Variants in SIPA1L2 observed in about 807,000 individuals in gnomAD.
SIPA1L2 encodes signal-induced proliferation-associated 1-like protein 2.
In SIPA1L2, 56 loss-of-function variants were observed where a neutral mutation model predicts 163.9. That is an observed-to-expected ratio of 0.34 (90% confidence interval 0.28 to 0.43). SIPA1L2 has a LOEUF of 0.43. SIPA1L2 is among the 20% of genes least tolerant of loss of function. SIPA1L2 has a pLI of 1.00. For missense variants in SIPA1L2, 1,974 were observed against 2,193.5 expected, an observed-to-expected ratio of 0.90 and a Z score of 2.00; for synonymous variants, 877 against 865.7, an observed-to-expected ratio of 1.01 and a Z score of -0.23.
chr1:232,457,460 T>C (rs10797565), intron 10 of SIPA1L2, among the ~76,000 whole-genome samples: 16,448 of 152,246 alleles, frequency 0.11, 2,058 homozygotes, highest in East Asian at 0.58. Flanking sequence ...AAAATGTATA[T>C]GTATATATAC....
intron 7 of SIPA1L2, among the ~76,000 whole-genome samples, chr1:232,472,674 G>C (rs1440858052): frequency 6.6e-6 from 1 of 152,146 alleles, no homozygotes; most frequent in Non-Finnish European, 1.5e-5. Context: ...GTCATTGCTG[G>C]AATGTGACAA....
chr1:232,407,466 G>A (rs866108776), intron 19 of SIPA1L2, among the ~76,000 whole-genome samples: 3 of 152,166 alleles, frequency 2.0e-5, no homozygotes. Context: ...ATTATGCTCT[G>A]TTTAAGAAAC....
At chr1:232,464,750 T>TA in intron 9 of SIPA1L2, 90 bp downstream of exon 9, 2 of 1,038,304 alleles carry the variant, frequency 1.9e-6, no homozygotes, top group Non-Finnish European at 1.4e-6. Flanking sequence ...CTAATTGGTA[T>TA]AATCATGGTA....
chr1:232,568,060 T>C (rs1026914496), intron 2 of SIPA1L2, among the ~76,000 whole-genome samples: 3 of 152,208 alleles, frequency 2.0e-5, no homozygotes, highest in East Asian at 1.9e-4. Flanking sequence ...CCTCAACCTA[T>C]GCATTTCATC....
chr1:232,542,990 A>G (rs915549771), intron 2 of SIPA1L2, among the ~76,000 whole-genome samples: 1 of 152,188 alleles, frequency 6.6e-6, no homozygotes, highest in Non-Finnish European at 1.5e-5. Context: ...AAAACAGCTA[A>G]GTTTTCCAAG....
intron 1 of SIPA1L2, among the ~76,000 whole-genome samples, chr1:232,595,440 C>A (rs1162225932): frequency 6.6e-6 from 1 of 152,170 alleles, no homozygotes; most frequent in Non-Finnish European, 1.5e-5. Flanking sequence ...GCACACCACC[C>A]TTTGTGCTGG....
At chr1:232,559,058 G>A (rs1287927702) in intron 2 of SIPA1L2, among the ~76,000 whole-genome samples, 6 of 152,108 alleles carry the variant, frequency 3.9e-5, no homozygotes, top group Non-Finnish European at 7.4e-5. Context: ...TCATCCCACC[G>A]GTGGGTGGGT....
In SIPA1L2 at chr1:232,514,568, T is replaced by C; in HGVS notation, c.772A>G (p.Ile258Val). The change falls in exon 3 of 23, where the codon ATC becomes GTC. Residue 258 changes from isoleucine to valine, a missense_variant. Physicochemically the swap from Ile to Val is conservative, Grantham distance 29. Around this residue, in one of 3 missense-constraint regions of SIPA1L2, gnomAD observed 607 missense variants for 624.0 expected, o/e 0.97. Coordinates refer to ENST00000674635, the MANE Select transcript of SIPA1L2 (RefSeq NM_020808.5). ...AQISRGEFVR[I>V]SGLDYVDSAL... is the part of the protein sequence containing the mutation. ...CTGTCCACATAATCTAATCCTGAGA[T>C]GCGGACAAATTCTCCCCTAGAAATC... is the stretch of plus-strand genomic sequence containing the variant. 1 of 1,614,198 alleles carries C rather than the reference T, an allele frequency of 6.2e-7. No individual in the cohort carries two copies. Among genetic ancestry groups the C allele is most frequent in the Non-Finnish European group, 8.5e-7 (1 of 1,180,032 alleles).
At chr1:232,614,589 G>A (rs1401308524) in intron 1 of SIPA1L2, among the ~76,000 whole-genome samples, 2 of 152,208 alleles carry the variant, frequency 1.3e-5, no homozygotes, top group Non-Finnish European at 2.9e-5. Context: ...ATGCTCAGCT[G>A]TGTTCTTATT....
chr1:232,485,792 C>T (rs114629164), intron 5 of SIPA1L2, among the ~76,000 whole-genome samples: 1 of 152,320 alleles, frequency 6.6e-6, no homozygotes, highest in Non-Finnish European at 1.5e-5. Flanking sequence ...AGGATTTCAG[C>T]TCCCTGGTTA....
chr1:232,527,983 A>G (rs1667793790), intron 2 of SIPA1L2, among the ~76,000 whole-genome samples: 1 of 150,308 alleles, frequency 6.7e-6, no homozygotes, highest in South Asian at 2.1e-4. Flanking sequence ...GTTAATGAAT[A>G]AGAGTTGGAT....
intron 1 of SIPA1L2, among the ~76,000 whole-genome samples, chr1:232,581,094 T>C (rs1048245489): frequency 1.3e-5 from 2 of 152,140 alleles, no homozygotes; most frequent in African/African-American, 2.4e-5. Context: ...CAGTCTTCTC[T>C]TACCCTCCCT....
chr1:232,470,583 C>T (rs4649267), intron 8 of SIPA1L2, among the ~76,000 whole-genome samples: 38,265 of 152,032 alleles, frequency 0.25, 4,945 homozygotes, highest in Admixed American at 0.35. Context: ...GCAACTACTG[C>T]TTTAAGATGA....
intron 2 of SIPA1L2, among the ~76,000 whole-genome samples, chr1:232,552,904 C>T (rs899742309): frequency 6.6e-6 from 1 of 152,142 alleles, no homozygotes; most frequent in African/African-American, 2.4e-5. Context: ...GGTGCAGGAA[C>T]CAGGGGGAGA....
At chr1:232,482,445 A>G (rs942067819) in intron 6 of SIPA1L2, among the ~76,000 whole-genome samples, 1 of 84,330 alleles carries the variant, frequency 1.2e-5, no homozygotes, top group African/African-American at 4.4e-5. Context: ...AGGAGTTTGA[A>G]AAAAAAAAAA....
At chr1:232,479,893 A>C (rs1665238277) in intron 6 of SIPA1L2, among the ~76,000 whole-genome samples, 163 bp from the exon 7 acceptor site, 1 of 152,128 alleles carries the variant, frequency 6.6e-6, no homozygotes, top group South Asian at 2.1e-4. Flanking sequence ...CACTGTTTCT[A>C]CCACTCCCGC....
At chr1:232,411,421 T>C (rs995971014) in intron 19 of SIPA1L2, among the ~76,000 whole-genome samples, 1 of 152,170 alleles carries the variant, frequency 6.6e-6, no homozygotes, top group Non-Finnish European at 1.5e-5. Flanking sequence ...CACAGGTCAT[T>C]TTGGTCCCAC....
At chr1:232,545,291 CTA>C (rs1355701212) in intron 2 of SIPA1L2, among the ~76,000 whole-genome samples, 6 of 152,316 alleles carry the variant, frequency 3.9e-5, no homozygotes, top group Non-Finnish European at 5.9e-5. Flanking sequence ...CACTTACTGA[CTA>C]TATGATTTCT....
At chr1:232,595,485 C>A (rs1019723454) in intron 1 of SIPA1L2, among the ~76,000 whole-genome samples, 1 of 152,170 alleles carries the variant, frequency 6.6e-6, no homozygotes. Context: ...CTGCACCGGG[C>A]GGCTTCTGAC....
Sources: allele counts gnomAD v4.1 joint callset (sites outside exome capture counted in the v4.1 genomes callset), GRCh38; gene constraint gnomAD v4.1.1; regional missense constraint gnomAD v4.1.1; transcripts MANE v1.5; gene names NCBI Gene and HGNC (gene_info 2026-07-23, HGNC 2026-07-21).